The following SPAG9 variants were observed in gnomAD, a reference collection of about 807,000 sequenced individuals.
SPAG9 encodes C-Jun-amino-terminal kinase-interacting protein 4.
In SPAG9, 35 loss-of-function variants were observed where a neutral mutation model predicts 166.5. That is an observed-to-expected ratio of 0.21 (90% CI 0.16 to 0.28). SPAG9 has a LOEUF of 0.28. Ranked by LOEUF, SPAG9 falls within the 10% of genes least tolerant of loss-of-function variation. The probability of loss-of-function intolerance (pLI) is 1.00; values close to 1 mark genes in which losing one functional copy is unlikely to be tolerated. For missense variants in SPAG9, 1,235 were observed against 1,603.3 expected (o/e 0.77, Z 3.92); for synonymous variants, 534 against 565.5 (o/e 0.94, Z 0.79).
At chr17:51,064,005 AC>A (rs2047592111) in intron 2 of SPAG9, among the ~76,000 whole-genome samples, 1 of 152,202 alleles carries the variant, frequency 6.6e-6, no homozygotes, top group Admixed American at 6.5e-5. Context: ...CATAAATTAG[AC>A]GTTAAGTATT....
At chr17:51,023,175 CTAT>C (rs199519320) in intron 6 of SPAG9, among the ~76,000 whole-genome samples, 6,443 of 147,728 alleles carry the variant, frequency 0.044, 465 homozygotes, top group African/African-American at 0.15. Context: ...AAAATATTAA[CTAT>C]TATTATAATA....
intron 14 of SPAG9, 52 bp downstream of exon 14, chr17:50,999,609 G>C: frequency 6.6e-7 from 1 of 1,513,204 alleles, no homozygotes; most frequent in Non-Finnish European, 9.0e-7. Flanking sequence ...AATTTTGACT[G>C]TAATTTTCTT....
In SPAG9 at chr17:51,066,174, C is replaced by T. The variant is rs2047658345; in HGVS notation, c.425-9692G>A. 2.6e-5 allele frequency among the ~76,000 whole-genome samples: 4 copies of T among 151,548 alleles called. No homozygotes were observed. The South Asian group carries it at 8.3e-4, about 31-fold the overall frequency. ...AGGCTGGAGTGCAATGGCACAATCACAGCTCACTACAGCCTTGACTTCCTG... is the reference window on the plus strand; with the variant it reads ...AGGCTGGAGTGCAATGGCACAATCATAGCTCACTACAGCCTTGACTTCCTG... On this transcript the variant is annotated intron_variant, in intron 2 of 29. Coordinates refer to ENST00000262013, the MANE Select transcript of SPAG9 (RefSeq NM_001130528.3).
chr17:51,111,115 C>CA lies in SPAG9; in HGVS notation c.303+9238dup, dbSNP rs1203132343. Among the ~76,000 whole-genome samples, 616 of 132,070 alleles carry CA rather than the reference C, an allele frequency of 4.7e-3. 8 individuals carry two copies. The highest frequency in any genetic ancestry group is 0.045 in the East Asian group (205 of 4,584). 86.6% of individuals were successfully genotyped at this position (132,070 alleles called of 152,430 possible). A position where few individuals can be genotyped will look rare whatever the true frequency, so the allele number is the denominator to read the frequency against. ...AGGGTGACAGAGCAAGACTCCGTCT[C>CA]AAAAAAAAAAAGAAAAGAAAACACA... On this transcript the variant is annotated intron_variant, in intron 1 of 29. Coordinates refer to ENST00000262013, the MANE Select transcript of SPAG9 (RefSeq NM_001130528.3).
At chr17:51,098,669 T>C (rs141513948) in intron 1 of SPAG9, among the ~76,000 whole-genome samples, 2,336 of 152,124 alleles carry the variant, frequency 0.015, 59 homozygotes, top group African/African-American at 0.053. Flanking sequence ...ATTTTCTGTA[T>C]TTTTAGTAGA....
chr17:51,056,888 T>C (rs951545451), intron 2 of SPAG9, among the ~76,000 whole-genome samples: 4 of 152,226 alleles, frequency 2.6e-5, no homozygotes, highest in African/African-American at 9.6e-5. Flanking sequence ...AAGTACTTTT[T>C]CTGCTTCAGG....
intron 18 of SPAG9, 149 bp from the exon 19 acceptor site, chr17:50,994,084 G>A: frequency 1.3e-6 from 1 of 761,798 alleles, no homozygotes; most frequent in Non-Finnish European, 2.1e-6. Flanking sequence ...ATGTGGTTTG[G>A]CTGCGTCCCT....
At chr17:51,042,462 C>A (rs760903292) in intron 4 of SPAG9, 1 of 152,078 alleles carries the variant, frequency 6.6e-6, no homozygotes, top group Non-Finnish European at 1.5e-5. Flanking sequence ...AGCCTACTAA[C>A]GGGTCATCCT....
chr17:51,084,344 G>C (rs187337164), intron 1 of SPAG9: 2 of 152,226 alleles, frequency 1.3e-5, no homozygotes, highest in Admixed American at 1.3e-4. Flanking sequence ...TGAAAATGAT[G>C]CTCCCTTGGC....
chr17:51,050,130 T>C (rs1440869917), intron 3 of SPAG9, among the ~76,000 whole-genome samples: 4 of 152,250 alleles, frequency 2.6e-5, no homozygotes, highest in Admixed American at 1.3e-4. Context: ...TATTCTAAAC[T>C]TTCTTTTAAT....
intron 1 of SPAG9, among the ~76,000 whole-genome samples, chr17:51,086,703 T>C (rs1345027155): frequency 6.6e-6 from 1 of 151,868 alleles, no homozygotes; most frequent in East Asian, 1.9e-4. Flanking sequence ...GAGGCCAAGG[T>C]GGGTGGTCAG....
chr17:51,082,586 G>T (rs2048196669), intron 1 of SPAG9, among the ~76,000 whole-genome samples: 1 of 152,030 alleles, frequency 6.6e-6, no homozygotes, highest in African/African-American at 2.4e-5. Context: ...TACAAAGAAT[G>T]ATGATAGCAG....
intron 1 of SPAG9, among the ~76,000 whole-genome samples, chr17:51,097,650 G>A (rs1369847996): frequency 6.6e-6 from 1 of 152,140 alleles, no homozygotes; most frequent in Non-Finnish European, 1.5e-5. Flanking sequence ...CATAAGTGTT[G>A]TCGGTAGTCT....
intron 28 of SPAG9, 101 bp downstream of exon 28, chr17:50,974,670 G>A: frequency 1.0e-6 from 1 of 989,288 alleles, no homozygotes; most frequent in Non-Finnish European, 1.4e-6. Flanking sequence ...GAAATTACCT[G>A]CAATTCGAGT....
chr17:51,030,532 C>CT (rs1452548829), intron 6 of SPAG9, among the ~76,000 whole-genome samples: 4 of 152,156 alleles, frequency 2.6e-5, no homozygotes, highest in Non-Finnish European at 4.4e-5. Flanking sequence ...TCTTAAAACT[C>CT]TTTTGATTTA....
chr17:51,022,955 T>C (rs959433932), intron 6 of SPAG9, among the ~76,000 whole-genome samples: 1 of 148,180 alleles, frequency 6.7e-6, no homozygotes, highest in African/African-American at 2.5e-5. Flanking sequence ...ATAATAATAA[T>C]AATAATAATA....
In SPAG9 at chr17:51,006,133, T is replaced by C; in HGVS notation, c.1376A>G (p.Lys459Arg). 1 of 1,614,244 alleles carries C rather than the reference T, an allele frequency of 6.2e-7. No homozygotes were observed. Among genetic ancestry groups the C allele is most frequent in the Non-Finnish European group, 8.5e-7 (1 of 1,180,036 alleles). ...QGELEAVKQA[K>R]LKLEEKNREL... Reference sequence around the variant, plus strand: ...TCTGTTCTTTTCCTCTAGTTTCAGTTTGGCTTGCTTCACAGCCTCCAATTC... The same window carrying C: ...TCTGTTCTTTTCCTCTAGTTTCAGTCTGGCTTGCTTCACAGCCTCCAATTC... Residue 459 changes from lysine (K) to arginine (R), a missense_variant, in exon 11 of 30, where the codon AAA becomes AGA. Physicochemically the swap from Lys to Arg is conservative, Grantham distance 26 (BLOSUM62 2). This residue lies in a region of SPAG9 where 125 missense variants were observed against 194.0 expected (regional missense o/e 0.64). Transcript: ENST00000262013.
At chr17:51,003,478 G>A (rs1413641271) in intron 12 of SPAG9, among the ~76,000 whole-genome samples, 1 of 151,962 alleles carries the variant, frequency 6.6e-6, no homozygotes, top group Non-Finnish European at 1.5e-5. Context: ...CAGCATTAAG[G>A]GTAAACTTAT....
At chr17:51,093,602 G>A (rs2048529559) in intron 1 of SPAG9, among the ~76,000 whole-genome samples, 1 of 150,942 alleles carries the variant, frequency 6.6e-6, no homozygotes, top group African/African-American at 2.4e-5. Flanking sequence ...GGCTGAGGCA[G>A]GAGAATGGCG....
Sources: gnomAD v4.1 joint callset for allele counts (sites outside exome capture counted in the v4.1 genomes callset) on GRCh38, gnomAD v4.1.1 for gene constraint, gnomAD v4.1.1 regional missense constraint, MANE v1.5 for transcripts, NCBI Gene and HGNC (gene_info 2026-07-23, HGNC 2026-07-21) for gene names.